The following MAN1C1 variants were observed in gnomAD, a reference collection of about 807,000 sequenced individuals.
MAN1C1 encodes mannosyl-oligosaccharide 1,2-alpha-mannosidase IC.
MAN1C1 carries 49 observed loss-of-function variants against 71.5 expected under a neutral mutation model. The ratio of observed to expected loss-of-function variants is 0.69; its 90% CI spans 0.54 to 0.87. The LOEUF (loss-of-function observed/expected upper bound fraction) is 0.87. Ranked by LOEUF, MAN1C1 falls within the 40% of genes least tolerant of loss-of-function variation. The pLI is 0.00. For missense variants in MAN1C1, 743 were observed against 835.0 expected, an observed-to-expected ratio of 0.89 and a Z score of 1.36; for synonymous variants, 352 against 343.7, an observed-to-expected ratio of 1.02 and a Z score of -0.27.
intron 1 of MAN1C1, among the ~76,000 whole-genome samples, chr1:25,660,070 G>C (rs61777483): frequency 0.014 from 2,192 of 152,266 alleles, 20 homozygotes; most frequent in Non-Finnish European, 0.024. Context: ...CTAGACTTAG[G>C]AAAGTGATAG....
intron 1 of MAN1C1, among the ~76,000 whole-genome samples, chr1:25,626,478 C>G (rs1283810578): frequency 1.3e-5 from 2 of 151,984 alleles, no homozygotes; most frequent in African/African-American, 4.8e-5. Context: ...CCTGCCTCAG[C>G]CTTCTGAGTA....
intron 1 of MAN1C1, chr1:25,658,663 C>G (rs1405152006): frequency 6.6e-6 from 1 of 152,174 alleles, no homozygotes; most frequent in Non-Finnish European, 1.5e-5. Context: ...CCATGTTGCC[C>G]AGGCTCGTCT....
At chr1:25,729,099 G>T (rs893987037) in intron 2 of MAN1C1, among the ~76,000 whole-genome samples, 7 of 152,178 alleles carry the variant, frequency 4.6e-5, no homozygotes, top group African/African-American at 1.7e-4. Context: ...GCTCCTCATG[G>T]CCCTCAACAT....
intron 2 of MAN1C1, among the ~76,000 whole-genome samples, chr1:25,699,830 A>AT (rs1265823481): frequency 1.3e-5 from 2 of 152,290 alleles, no homozygotes; most frequent in East Asian, 3.9e-4. Context: ...AGACTGAGCC[A>AT]TGGCCACCTC....
chr1:25,767,717 C>CAT (rs1486945747), intron 7 of MAN1C1, among the ~76,000 whole-genome samples: 2 of 130,064 alleles, frequency 1.5e-5, no homozygotes, highest in South Asian at 2.6e-4. Context: ...ACATACATTA[C>CAT]ACACTCCCCT....
intron 1 of MAN1C1, among the ~76,000 whole-genome samples, chr1:25,649,377 G>A (rs1277985587): frequency 6.6e-6 from 1 of 152,208 alleles, no homozygotes; most frequent in African/African-American, 2.4e-5. Flanking sequence ...ATGTTTCTTA[G>A]TGGTGGTGTG....
intron 1 of MAN1C1, among the ~76,000 whole-genome samples, chr1:25,657,577 A>G (rs563252029): frequency 6.6e-6 from 1 of 152,090 alleles, no homozygotes; most frequent in Non-Finnish European, 1.5e-5. Flanking sequence ...AGGGCTTCAC[A>G]CTCCCTGTGC....
At chr1:25,673,049 C>T (rs999554644) in intron 1 of MAN1C1, among the ~76,000 whole-genome samples, 3 of 151,720 alleles carry the variant, frequency 2.0e-5, no homozygotes, top group African/African-American at 2.4e-5. Flanking sequence ...CAGAGGTGAA[C>T]GGGGAGGGGG....
At chr1:25,744,381 G>A (rs959084712) in intron 2 of MAN1C1, among the ~76,000 whole-genome samples, 57 of 152,184 alleles carry the variant, frequency 3.7e-4, no homozygotes, top group African/African-American at 1.0e-3. Flanking sequence ...TTAAGCATGG[G>A]AGGGGCTGAC....
In MAN1C1 at chr1:25,679,558, TAAAAA is replaced by T. The variant is rs35048799; in HGVS notation, c.541-6871_541-6867del. Among the ~76,000 whole-genome samples, 4 of 135,178 alleles carry T rather than the reference TAAAAA, an allele frequency of 3.0e-5. No homozygotes were observed. In the East Asian group the frequency reaches 8.5e-4, roughly 29 times the overall value. The allele number at this position is 135,178 out of a possible 152,430, so 88.7% of individuals were successfully genotyped here. ...CTCCAGTAAAATTTCCTAAATGAGT[TAAAAA>T]AAAAAAAAAAGGCATTTCAGACTTA... On this transcript the variant is annotated intron_variant, in intron 1 of 11. Transcript: ENST00000374332.
chr1:25,667,858 G>T (rs954115859), intron 1 of MAN1C1, among the ~76,000 whole-genome samples: 1 of 152,070 alleles, frequency 6.6e-6, no homozygotes, highest in Non-Finnish European at 1.5e-5. Context: ...CACAGACCTG[G>T]AAAAATGAAA....
intron 1 of MAN1C1, among the ~76,000 whole-genome samples, chr1:25,644,002 TG>T (rs1337683781): frequency 1.3e-5 from 2 of 152,208 alleles, no homozygotes; most frequent in African/African-American, 4.8e-5. Flanking sequence ...TTAACTGTTT[TG>T]TTCCACTTCA....
At chr1:25,750,941 G>A (rs534528688) in intron 4 of MAN1C1, among the ~76,000 whole-genome samples, 2 of 152,296 alleles carry the variant, frequency 1.3e-5, no homozygotes, top group African/African-American at 2.4e-5. Flanking sequence ...GTTGGTGGCT[G>A]TTGAGACACA....
At chr1:25,767,863 CA>C (rs2047465367) in intron 7 of MAN1C1, among the ~76,000 whole-genome samples, 1 of 100,044 alleles carries the variant, frequency 1.0e-5, no homozygotes, top group Non-Finnish European at 1.9e-5. Context: ...ACACTCCCCC[CA>C]CACACTCCCC....
chr1:25,749,269 C>A lies in MAN1C1; in HGVS notation c.768C>A (p.Ser256=), dbSNP rs1238348822. 8 of 1,612,300 alleles carry A rather than the reference C, an allele frequency of 5.0e-6. No individual in the cohort carries two copies. In the African/African-American group the frequency reaches 1.1e-4, roughly 22 times the overall value. The change falls in exon 4 of 12, where the codon TCC becomes TCA. Residue 256 remains serine (S), a synonymous_variant. Transcript: ENST00000374332. The part of the protein sequence containing the change: ...SFHLNVSGEA[S]LFEVNIRYIG... ...CTGTCCTGCAGAGCGGAGAAGCATC[C>A]TTGTTTGAGGTGAACATCCGCTACA...
intron 5 of MAN1C1, among the ~76,000 whole-genome samples, chr1:25,754,053 A>G (rs947128914): frequency 1.3e-5 from 2 of 152,004 alleles, no homozygotes; most frequent in East Asian, 1.9e-4. Flanking sequence ...CTGCTAGGAG[A>G]TCTCAGGATC....
In MAN1C1 at chr1:25,771,682, G is replaced by A. The variant is rs768549271; in HGVS notation, c.1167G>A (p.Gly389=). ...ACCATGTCTCAGTTGGAGGACTCGG[G>A]GACAGTTTTTATGAATATTTGATCA... is the stretch of plus-strand genomic sequence containing the variant. ...VQHHVSVGGL[G]DSFYEYLIKS... is the part of the protein sequence containing the mutation. The change falls in exon 8 of 12, where the codon GGG becomes GGA. Residue 389 remains glycine (G), a synonymous_variant. Coordinates refer to ENST00000374332, the MANE Select transcript of MAN1C1 (RefSeq NM_020379.4). The A allele has an allele frequency of 6.2e-7, 1 of 1,614,112 alleles. No homozygotes were observed. The highest frequency in any genetic ancestry group is 8.5e-7 in the Non-Finnish European group (1 of 1,179,942).
intron 7 of MAN1C1, among the ~76,000 whole-genome samples, 180 bp from the exon 8 acceptor site, chr1:25,771,477 C>T (rs956447396): frequency 6.6e-6 from 1 of 152,222 alleles, no homozygotes; most frequent in Non-Finnish European, 1.5e-5. Context: ...TGGTTTCCTC[C>T]AAGTCGCAGG....
At chr1:25,767,869 C>CA in intron 7 of MAN1C1, among the ~76,000 whole-genome samples, 1 of 121,308 alleles carries the variant, frequency 8.2e-6, no homozygotes, top group African/African-American at 3.5e-5. Context: ...CCCCCACACA[C>CA]TCCCCTCACA....
Sources: allele counts gnomAD v4.1 joint callset (sites outside exome capture counted in the v4.1 genomes callset), GRCh38; gene constraint gnomAD v4.1.1; transcripts MANE v1.5; gene names NCBI Gene and HGNC (gene_info 2026-07-23, HGNC 2026-07-21).